The following SLC17A1 variants were observed in gnomAD, a reference collection of about 807,000 sequenced individuals.
SLC17A1 encodes sodium-dependent phosphate transport protein 1.
A neutral mutation model predicts 53.5 loss-of-function variants in SLC17A1; 51 were observed. That is an observed-to-expected ratio of 0.95 (90% CI 0.76 to 1.20). SLC17A1 has a LOEUF of 1.20. Among genes scored for constraint, SLC17A1 ranks in the 50% most tolerant of loss-of-function variants. The probability of loss-of-function intolerance (pLI) is 0.00; values close to 1 mark genes in which losing one functional copy is unlikely to be tolerated. For missense variants in SLC17A1, 538 were observed against 568.2 expected (o/e 0.95, Z 0.54); for synonymous variants, 179 against 198.8 (o/e 0.90, Z 0.84).
chr6:25,792,661 C>T (rs1008964403), intron 12 of SLC17A1, among the ~76,000 whole-genome samples: 1 of 152,158 alleles, frequency 6.6e-6, no homozygotes, highest in Non-Finnish European at 1.5e-5. Flanking sequence ...CAAAATCCTA[C>T]CCCATCCTCC....
chr6:25,741,206 A>G, the SLC17A1 span, among the ~76,000 whole-genome samples: 41,347 of 152,174 alleles, frequency 0.27, 6,840 homozygotes, highest in East Asian at 0.7. Context: ...TTGAGGCGAT[A>G]GATATCCTAA....
At chr6:25,772,707 G>A in the SLC17A1 span, among the ~76,000 whole-genome samples, 1 of 152,158 alleles carries the variant, frequency 6.6e-6, no homozygotes, top group Non-Finnish European at 1.5e-5. Flanking sequence ...AGATAGATAT[G>A]GAAAGGTTTA....
chr6:25,802,962 T>TTTTTTTTTG (rs1763830504), intron 10 of SLC17A1, among the ~76,000 whole-genome samples: 1 of 113,474 alleles, frequency 8.8e-6, no homozygotes, highest in African/African-American at 4.0e-5. Context: ...TTTTTTTTTT[T>TTTTTTTTTG]TTGAGACGCA....
At chr6:25,726,909 A>C in the SLC17A1 span, 1 of 1,610,740 alleles carries the variant, frequency 6.2e-7, no homozygotes, top group Admixed American at 1.7e-5. Context: ...TGTGGTAGCT[A>C]TGCCGGAGGT....
chr6:25,750,716 A>C, the SLC17A1 span, among the ~76,000 whole-genome samples: 2 of 151,986 alleles, frequency 1.3e-5, no homozygotes, highest in Non-Finnish European at 2.9e-5. Context: ...TGAGTGACAT[A>C]ATACCACAGA....
chr6:25,780,786 A>C (rs1294195413), downstream of SLC17A1: 1 of 152,184 alleles, frequency 6.6e-6, no homozygotes, highest in Non-Finnish European at 1.5e-5. Context: ...TGAGAGGTGA[A>C]TGGATTATTT....
chr6:25,775,501 T>C, the SLC17A1 span, among the ~76,000 whole-genome samples: 3,022 of 152,224 alleles, frequency 0.02, 56 homozygotes, highest in African/African-American at 0.046. Flanking sequence ...AGTGTTTCAC[T>C]CATGGCTCAC....
rs79480730 is a variant in SLC17A1, at chr6:25,787,185, A to G, written c.*3-3967T>C. ...TTTGCATCCTCACTTAATTTTCTGA[A>G]TTTGTTCAAAAGTTATTGGAGGCCA... On this transcript the variant is annotated intron_variant, in intron 12 of 12. Transcript: ENST00000244527. 1.6e-3 allele frequency among the ~76,000 whole-genome samples: 250 copies of G among 152,142 alleles called. 5 individuals carry two copies. The East Asian group carries it at 0.027, about 16-fold the overall frequency.
At chr6:25,811,596 G>C (rs1239016928) in intron 9 of SLC17A1, 42 bp downstream of exon 9, 1 of 1,613,570 alleles carries the variant, frequency 6.2e-7, no homozygotes, top group South Asian at 1.1e-5. Context: ...AGATAGGGGA[G>C]AAGTATCTCC....
chr6:25,734,770 T>C, the SLC17A1 span, among the ~76,000 whole-genome samples: 3 of 152,260 alleles, frequency 2.0e-5, no homozygotes, highest in East Asian at 1.9e-4. Flanking sequence ...AGATGGATAA[T>C]CTTTGTTTCT....
At chr6:25,784,313 G>A (rs1165474501) in intron 12 of SLC17A1, among the ~76,000 whole-genome samples, 3 of 152,094 alleles carry the variant, frequency 2.0e-5, no homozygotes, top group Non-Finnish European at 1.5e-5. Context: ...TCTGAGTCTG[G>A]GTAATTTATA....
rs749364014 is a variant in SLC17A1 at position 25,819,148 on chromosome 6, A to G, written c.536T>C (p.Leu179Ser). 1 of 1,605,948 alleles carries G rather than the reference A, an allele frequency of 6.2e-7. No homozygotes were observed. Among genetic ancestry groups the G allele is most frequent in the East Asian group, 2.2e-5 (1 of 44,650 alleles). The change falls in exon 6 of 13, where the codon TTG becomes TCG. Residue 179 changes from leucine to serine, a missense_variant. Transcript: ENST00000244527. ...RLTSMSTSGF[L>S]LGPFIVLLVT... ...AAGTAGGACAATAAAGGGTCCCAGC[A>G]AAAACCCTAATCAGTAGGTACAAAG...
chr6:25,817,763 G>A (rs954936445), intron 6 of SLC17A1, among the ~76,000 whole-genome samples: 9 of 152,162 alleles, frequency 5.9e-5, no homozygotes, highest in African/African-American at 4.8e-5. Context: ...GGTTAGTTTT[G>A]TAATTCAAAA....
chr6:25,726,159 ACTCT>A, the SLC17A1 span: 4 of 1,558,334 alleles, frequency 2.6e-6, no homozygotes, highest in Non-Finnish European at 2.6e-6. Flanking sequence ...TATGGTGGTG[ACTCT>A]CAGTCTTCTT....
the SLC17A1 span, chr6:25,727,217 A>G: frequency 1.6e-5 from 26 of 1,614,064 alleles, no homozygotes; most frequent in South Asian, 4.4e-5. Flanking sequence ...TGCGCTTGCT[A>G]CTGCCGGGAG....
chr6:25,819,784 A>G lies in SLC17A1; in HGVS notation c.339T>C (p.Phe113=). 6.2e-7 allele frequency: 1 copy of G among 1,614,214 alleles called. No homozygotes were observed. The highest frequency in any genetic ancestry group is 8.5e-7 in the Non-Finnish European group (1 of 1,180,016). ...GIYSTKKMIG[F]ALCLSSVLSL... ...TTAACACAGAGCTGAGGCATAATGC[A>G]AAGCCAATCATTTTCTTTGTAGAAT... The change falls in exon 4 of 13, where the codon TTT becomes TTC. Residue 113 remains phenylalanine (F), a synonymous_variant. Coordinates refer to ENST00000244527, the MANE Select transcript of SLC17A1 (RefSeq NM_005074.5).
the SLC17A1 span, chr6:25,770,197 C>G: frequency 1.5e-5 from 25 of 1,614,124 alleles, no homozygotes; most frequent in Non-Finnish European, 2.1e-5. Flanking sequence ...GTGGTTGGTG[C>G]TGGCTTGTTT....
At chr6:25,822,890 TCAC>T (rs1419357857) in intron 3 of SLC17A1, among the ~76,000 whole-genome samples, 4 of 152,288 alleles carry the variant, frequency 2.6e-5, no homozygotes, top group African/African-American at 9.6e-5. Flanking sequence ...TGTGAAGCTA[TCAC>T]CACAATTAAG....
At chr6:25,770,893 C>T in the SLC17A1 span, 49 of 1,563,900 alleles carry the variant, frequency 3.1e-5, 1 homozygote, top group Middle Eastern at 1.0e-3. Flanking sequence ...GACGAGTCCT[C>T]TCACCCAGAA....
Sources: gnomAD v4.1 joint callset for allele counts (sites outside exome capture counted in the v4.1 genomes callset) on GRCh38, gnomAD v4.1.1 for gene constraint, MANE v1.5 for transcripts, NCBI Gene and HGNC (gene_info 2026-07-23, HGNC 2026-07-21) for gene names.